ATRN: variants seen among roughly 807,000 people sequenced by gnomAD.
The protein encoded by ATRN is attractin, also known as attractin-2.
ATRN carries 54 observed loss-of-function variants against 178.7 expected under a neutral mutation model. The observed-to-expected ratio is 0.30, with a 90% CI of 0.24 to 0.38. The LOEUF (loss-of-function observed/expected upper bound fraction) is 0.38, where lower values mean the gene tolerates loss of function less well. Ranked by LOEUF, ATRN falls within the 10% of genes least tolerant of loss-of-function variation. The pLI, the probability that ATRN is intolerant of heterozygous loss-of-function variation, is 1.00. For synonymous variants in ATRN, 636 were observed against 663.0 expected (o/e 0.96, Z 0.63); for missense variants, 1,443 against 1,815.1 (o/e 0.79, Z 3.73).
intron 1 of ATRN, among the ~76,000 whole-genome samples, chr20:3,494,307 G>A (rs1298276260): frequency 6.6e-6 from 1 of 152,178 alleles, no homozygotes; most frequent in Non-Finnish European, 1.5e-5. Context: ...TGGAGCAGTA[G>A]GGGTAAGTTG....
At chr20:3,587,979 T>C (rs2086381574) in intron 18 of ATRN, among the ~76,000 whole-genome samples, 1 of 152,128 alleles carries the variant, frequency 6.6e-6, no homozygotes, top group Non-Finnish European at 1.5e-5. Context: ...CTCGAGTAAC[T>C]GGTACTACAG....
chr20:3,504,204 G>T (rs2085004251), intron 1 of ATRN, among the ~76,000 whole-genome samples: 1 of 152,114 alleles, frequency 6.6e-6, no homozygotes, highest in Non-Finnish European at 1.5e-5. Context: ...GGAACTAGAG[G>T]AAAATAGAAA....
At chr20:3,516,528 A>G (rs1275798403) in intron 1 of ATRN, among the ~76,000 whole-genome samples, 1 of 152,208 alleles carries the variant, frequency 6.6e-6, no homozygotes, top group Non-Finnish European at 1.5e-5. Flanking sequence ...TCATTTTAGA[A>G]TTAGTAAAAT....
At chr20:3,496,566 C>T (rs1291955048) in intron 1 of ATRN, among the ~76,000 whole-genome samples, 1 of 152,062 alleles carries the variant, frequency 6.6e-6, no homozygotes, top group Non-Finnish European at 1.5e-5. Flanking sequence ...GAGAGCTTTA[C>T]TTCCAAGTAT....
chr20:3,493,114 ACGTT>A (rs2084829359), intron 1 of ATRN, among the ~76,000 whole-genome samples: 1 of 70,586 alleles, frequency 1.4e-5, no homozygotes, highest in Non-Finnish European at 2.9e-5. Flanking sequence ...ATATGTAGGT[ACGTT>A]TGTTTGTGTG....
At chr20:3,562,770 A>T (rs2085973727) in intron 9 of ATRN, among the ~76,000 whole-genome samples, 1 of 152,200 alleles carries the variant, frequency 6.6e-6, no homozygotes, top group African/African-American at 2.4e-5. Context: ...CACATGTTTG[A>T]TACCTTGCTA....
chr20:3,473,545 C>T (rs569449445), intron 1 of ATRN, among the ~76,000 whole-genome samples: 1 of 152,182 alleles, frequency 6.6e-6, no homozygotes, highest in Non-Finnish European at 1.5e-5. Context: ...TGTGAAATGG[C>T]GTAGTTCACG....
At chr20:3,629,150 C>A (rs1322357825) in intron 25 of ATRN, 31 of 985,398 alleles carry the variant, frequency 3.1e-5, no homozygotes, top group Non-Finnish European at 3.5e-5. Flanking sequence ...ACCCCACCAA[C>A]CCTAGCATCA....
chr20:3,554,404 C>T (rs975011775), intron 6 of ATRN, among the ~76,000 whole-genome samples: 4 of 151,684 alleles, frequency 2.6e-5, no homozygotes, highest in East Asian at 1.9e-4. Context: ...GGCACAGTCT[C>T]GGCTCACTGC....
At position 3,471,031 on chromosome 20, in the gene ATRN, G is replaced by T. The variant is rs1177400077; in HGVS notation, c.-77G>T. ...GCCACCGTCCGCACAGCCCCGCCCCGCACGGCCAGGCGAAGCGGAGCCGGC... is the reference window on the plus strand; with the variant it reads ...GCCACCGTCCGCACAGCCCCGCCCCTCACGGCCAGGCGAAGCGGAGCCGGC... On this transcript the variant is annotated 5_prime_UTR_variant, in exon 1 of 29. Transcript: ENST00000262919. The T allele has an allele frequency of 6.4e-6, 9 of 1,407,994 alleles. No homozygotes were observed. The highest frequency in any genetic ancestry group is 8.3e-6 in the Non-Finnish European group (9 of 1,087,128). The allele number at this position is 1,407,994 out of a possible 1,614,324, so 87.2% of individuals were successfully genotyped here. A position where few individuals can be genotyped will look rare whatever the true frequency, so the allele number is the denominator to read the frequency against.
chr20:3,578,874 C>A, intron 15 of ATRN, 102 bp downstream of exon 15: 2 of 1,150,938 alleles, frequency 1.7e-6, no homozygotes, highest in South Asian at 1.7e-5. Context: ...GTGTGACGTG[C>A]TTGGCAAGAA....
chr20:3,608,003 A>G (rs1044849578), intron 24 of ATRN, among the ~76,000 whole-genome samples: 1 of 152,000 alleles, frequency 6.6e-6, no homozygotes, highest in Admixed American at 6.5e-5. Context: ...CCTGTTGGCC[A>G]TTTGTATGTC....
At chr20:3,487,106 A>C (rs2146080632) in intron 1 of ATRN, among the ~76,000 whole-genome samples, 1 of 152,250 alleles carries the variant, frequency 6.6e-6, no homozygotes, top group East Asian at 1.9e-4. Context: ...TAACTTGTTA[A>C]ATTTTCATTT....
chr20:3,562,200 C>CTA, intron 8 of ATRN, 76 bp from the exon 9 acceptor site: 1 of 1,296,842 alleles, frequency 7.7e-7, no homozygotes, highest in Non-Finnish European at 1.1e-6. Flanking sequence ...TTCTCATGCC[C>CTA]TAAGCTCTTT....
chr20:3,587,433 C>A (rs1231086561), intron 18 of ATRN, among the ~76,000 whole-genome samples: 1 of 151,012 alleles, frequency 6.6e-6, no homozygotes, highest in African/African-American at 2.4e-5. Flanking sequence ...GGTCCAAACT[C>A]TCTTCTTGCC....
At chr20:3,528,779 G>C (rs2085409955) in intron 1 of ATRN, among the ~76,000 whole-genome samples, 1 of 152,080 alleles carries the variant, frequency 6.6e-6, no homozygotes, top group South Asian at 2.1e-4. Flanking sequence ...ATGTGCAGAT[G>C]ATCAGTAAAC....
At chr20:3,475,537 C>T (rs913892969) in intron 1 of ATRN, among the ~76,000 whole-genome samples, 5 of 152,160 alleles carry the variant, frequency 3.3e-5, no homozygotes, top group Non-Finnish European at 5.9e-5. Context: ...TGTGTGATTT[C>T]TAAGGCAGTA....
chr20:3,556,421 TC>T, intron 6 of ATRN, among the ~76,000 whole-genome samples: 1 of 152,254 alleles, frequency 6.6e-6, no homozygotes, highest in East Asian at 1.9e-4. Flanking sequence ...CTATCTGCTG[TC>T]TGGGGTCATG....
intron 27 of ATRN, among the ~76,000 whole-genome samples, chr20:3,641,142 C>T (rs533099910): frequency 6.6e-5 from 10 of 151,978 alleles, no homozygotes; most frequent in South Asian, 4.2e-4. Context: ...TTAATGGGTA[C>T]GAAGTTTGAG....
Sources: gnomAD v4.1 joint callset for allele counts (sites outside exome capture counted in the v4.1 genomes callset) on GRCh38, gnomAD v4.1.1 for gene constraint, MANE v1.5 for transcripts, NCBI Gene and HGNC (gene_info 2026-07-23, HGNC 2026-07-21) for gene names.